MAP7: variants seen among roughly 807,000 people sequenced by gnomAD.
The protein encoded by MAP7 is microtubule associated protein 7, also known as ensconsin.
Under a neutral mutation model 94.8 loss-of-function variants are expected in MAP7, and 52 were observed. That is an observed-to-expected ratio of 0.55 (90% CI 0.44 to 0.69). The LOEUF is 0.69. MAP7 is among the 30% of genes least tolerant of loss of function. MAP7 has a pLI of 0.00. For missense variants in MAP7, 940 were observed against 964.6 expected, an observed-to-expected ratio of 0.97 and a Z score of 0.34; for synonymous variants, 350 against 357.0, an observed-to-expected ratio of 0.98 and a Z score of 0.22.
intron 3 of MAP7, among the ~76,000 whole-genome samples, chr6:136,390,624 G>A (rs1210816250): frequency 1.3e-5 from 2 of 152,164 alleles, no homozygotes; most frequent in Non-Finnish European, 2.9e-5. Context: ...CTGCACTCCA[G>A]CCTTGGACGA....
chr6:136,458,582 G>C (rs1182969075), intron 1 of MAP7, among the ~76,000 whole-genome samples: 1 of 152,038 alleles, frequency 6.6e-6, no homozygotes. Flanking sequence ...ATAGACAAAT[G>C]GAACAGAATA....
intron 1 of MAP7, among the ~76,000 whole-genome samples, chr6:136,426,827 TG>T (rs1267496324): frequency 1.3e-5 from 2 of 152,386 alleles, no homozygotes; most frequent in Admixed American, 1.3e-4. Flanking sequence ...GGAAAGTCAC[TG>T]AAGTATATAT....
chr6:136,412,280 C>T (rs1488417144), intron 2 of MAP7, among the ~76,000 whole-genome samples: 1 of 152,070 alleles, frequency 6.6e-6, no homozygotes, highest in African/African-American at 2.4e-5. Flanking sequence ...GTGTGTATGT[C>T]CCAGTAAATC....
At chr6:136,544,575 T>G (rs1485032961) in intron 1 of MAP7, among the ~76,000 whole-genome samples, 1 of 152,198 alleles carries the variant, frequency 6.6e-6, no homozygotes, top group Non-Finnish European at 1.5e-5. Flanking sequence ...CCTCCTCCCA[T>G]GCTTTACAGG....
chr6:136,494,232 T>C (rs911652438), intron 1 of MAP7, among the ~76,000 whole-genome samples: 8 of 152,298 alleles, frequency 5.3e-5, no homozygotes, highest in South Asian at 2.1e-4. Context: ...ATGTGAAGAT[T>C]TGCTACAAGA....
chr6:136,531,442 AG>A (rs1313185684), intron 1 of MAP7, among the ~76,000 whole-genome samples: 2 of 144,596 alleles, frequency 1.4e-5, no homozygotes, highest in Admixed American at 1.4e-4. Flanking sequence ...TTGCTTTAGG[AG>A]TAGTAAAATC....
intron 7 of MAP7, among the ~76,000 whole-genome samples, chr6:136,376,673 G>T (rs1397251916): frequency 6.6e-6 from 1 of 152,182 alleles, no homozygotes; most frequent in South Asian, 2.1e-4. Context: ...GATCCTGTCT[G>T]CCCATTTTCT....
rs547699657 is a variant in MAP7 at position 136,504,351 on chromosome 6, G to T, written c.67+45991C>A. 3.3e-4 allele frequency among the ~76,000 whole-genome samples: 48 copies of T among 146,164 alleles called. 1 individual carries two copies. In the Middle Eastern group the frequency reaches 0.01, roughly 32 times the overall value. On this transcript the variant is annotated intron_variant, in intron 1 of 17. Coordinates refer to ENST00000354570, the MANE Select transcript of MAP7 (RefSeq NM_003980.6). ...CCATAAATACATCGTTTTTTGTTTTGTTTTTTTTTTGGGGGGGAACAGAGC... is the reference window on the plus strand; with the variant it reads ...CCATAAATACATCGTTTTTTGTTTTTTTTTTTTTTTGGGGGGGAACAGAGC...
intron 1 of MAP7, among the ~76,000 whole-genome samples, chr6:136,462,666 A>G (rs1200961939): frequency 6.6e-6 from 1 of 152,070 alleles, no homozygotes; most frequent in African/African-American, 2.4e-5. Flanking sequence ...GGTATTTAAA[A>G]CTTTAATTTT....
intron 1 of MAP7, among the ~76,000 whole-genome samples, chr6:136,448,517 T>A (rs1230565339): frequency 6.6e-6 from 1 of 151,520 alleles, no homozygotes; most frequent in African/African-American, 2.4e-5. Flanking sequence ...CGGGTTCAAG[T>A]GATTCTCCTG....
intron 15 of MAP7, among the ~76,000 whole-genome samples, chr6:136,357,608 C>CTTCA (rs1401340666): frequency 6.6e-6 from 1 of 152,112 alleles, no homozygotes; most frequent in African/African-American, 2.4e-5. Context: ...AATCCTCCTG[C>CTTCA]TTCAGCCTCT....
chr6:136,348,105 C>T (rs987831711), intron 16 of MAP7, among the ~76,000 whole-genome samples: 4 of 151,660 alleles, frequency 2.6e-5, no homozygotes, highest in Non-Finnish European at 4.4e-5. Flanking sequence ...TCTTGCCTAA[C>T]ACCAACAGCC....
intron 3 of MAP7, among the ~76,000 whole-genome samples, chr6:136,411,366 G>A (rs1787393202): frequency 6.6e-6 from 1 of 152,152 alleles, no homozygotes; most frequent in Non-Finnish European, 1.5e-5. Flanking sequence ...TAAAATGTAA[G>A]CTGTACCATC....
chr6:136,471,550 G>C (rs1809003679), intron 1 of MAP7, among the ~76,000 whole-genome samples: 4 of 151,536 alleles, frequency 2.6e-5, no homozygotes. Flanking sequence ...AAAGGAAGTT[G>C]CTGGGGGTTT....
chr6:136,402,898 T>G (rs1303443770), intron 3 of MAP7, among the ~76,000 whole-genome samples: 3 of 76,464 alleles, frequency 3.9e-5, no homozygotes, highest in Admixed American at 2.3e-4. Context: ...AGAGCAAGAC[T>G]CTGTCTCAAA....
In MAP7 at chr6:136,389,420, C is replaced by T. The variant is rs1780062334; in HGVS notation, c.342G>A (p.Arg114=). 1.3e-6 allele frequency: 2 copies of T among 1,596,618 alleles called. No homozygotes were observed. The highest frequency in any genetic ancestry group is 1.8e-5 in the Admixed American group (1 of 56,582). Residue 114 remains arginine (R), a synonymous_variant, in exon 4 of 18, where the codon AGG becomes AGA. Coordinates refer to ENST00000354570, the MANE Select transcript of MAP7 (RefSeq NM_003980.6). ...EERKKRLEEQ[R]QKEERRRAAV... Reference sequence around the variant, plus strand: ...CAGCCCTCCTCCGCTCCTCCTTCTGCCTCTGCTCCTCCAACCTCTTCTTCC... The same window carrying T: ...CAGCCCTCCTCCGCTCCTCCTTCTGTCTCTGCTCCTCCAACCTCTTCTTCC...
At chr6:136,357,368 C>G (rs1791304260) in intron 15 of MAP7, among the ~76,000 whole-genome samples, 1 of 152,182 alleles carries the variant, frequency 6.6e-6, no homozygotes, top group South Asian at 2.1e-4. Flanking sequence ...ATGACTGCCT[C>G]TAAAATACAG....
At chr6:136,525,417 T>C (rs1827564289) in intron 1 of MAP7, among the ~76,000 whole-genome samples, 1 of 152,190 alleles carries the variant, frequency 6.6e-6, no homozygotes, top group South Asian at 2.1e-4. Flanking sequence ...ACTCATCCTT[T>C]AAAGCAGAAA....
chr6:136,425,462 G>T (rs1792866037), intron 1 of MAP7, among the ~76,000 whole-genome samples: 1 of 152,038 alleles, frequency 6.6e-6, no homozygotes, highest in Admixed American at 6.6e-5. Flanking sequence ...GTAAAAAATG[G>T]TTAAAATTTA....
Sources: allele counts gnomAD v4.1 joint callset (sites outside exome capture counted in the v4.1 genomes callset), GRCh38; gene constraint gnomAD v4.1.1; transcripts MANE v1.5; gene names NCBI Gene and HGNC (gene_info 2026-07-23, HGNC 2026-07-21).